The following PTPRM variants were observed in gnomAD, a reference collection of about 807,000 sequenced individuals.
The protein encoded by PTPRM is protein tyrosine phosphatase receptor type M.
A neutral mutation model predicts 186.7 loss-of-function variants in PTPRM; 47 were observed. That is an observed-to-expected ratio of 0.25 (90% CI 0.20 to 0.32). PTPRM has a LOEUF of 0.32. Among genes scored for constraint, PTPRM ranks in the 10% least tolerant of loss-of-function variants. The pLI is 1.00. For missense variants in PTPRM, 1,494 were observed against 1,865.0 expected, an observed-to-expected ratio of 0.80 and a Z score of 3.66; for synonymous variants, 668 against 674.9, an observed-to-expected ratio of 0.99 and a Z score of 0.16.
At chr18:8,156,002 G>A (rs1451810309) in intron 14 of PTPRM, among the ~76,000 whole-genome samples, 1 of 152,162 alleles carries the variant, frequency 6.6e-6, no homozygotes, top group African/African-American at 2.4e-5. Context: ...ATCTTGCCTA[G>A]CACATACTTT....
rs367711491 is a variant in PTPRM at position 8,357,694 on chromosome 18, A to G, written c.3055-13196A>G. 1.6e-4 allele frequency among the ~76,000 whole-genome samples: 24 copies of G among 152,334 alleles called. 1 individual carries two copies. The South Asian group carries it at 4.8e-3, about 30-fold the overall frequency. ...ATGGCTATTTTACTCAAAGTGTTTA[A>G]TCAATAGAGAATCATCGTTTCACAT... is the stretch of plus-strand genomic sequence containing the variant. On this transcript the variant is annotated intron_variant, in intron 23 of 32. Coordinates refer to ENST00000580170, the MANE Select transcript of PTPRM (RefSeq NM_001105244.2).
At chr18:7,836,223 C>T (rs1203895168) in intron 2 of PTPRM, among the ~76,000 whole-genome samples, 1 of 151,820 alleles carries the variant, frequency 6.6e-6, no homozygotes, top group Admixed American at 6.6e-5. Context: ...GTGGTGATAC[C>T]ATTTAGTGTC....
chr18:7,825,319 A>G (rs1448747617), intron 2 of PTPRM, among the ~76,000 whole-genome samples: 2 of 152,110 alleles, frequency 1.3e-5, no homozygotes, highest in Non-Finnish European at 2.9e-5. Context: ...CATGCAGAGG[A>G]CTACTATGAG....
intron 7 of PTPRM, among the ~76,000 whole-genome samples, chr18:8,064,024 G>A (rs1302628290): frequency 2.6e-5 from 4 of 152,212 alleles, no homozygotes; most frequent in Admixed American, 2.0e-4. Context: ...TGTTCTTACT[G>A]TAAGTGTATA....
chr18:8,173,260 TG>T (rs2093431226), intron 14 of PTPRM, among the ~76,000 whole-genome samples: 1 of 152,110 alleles, frequency 6.6e-6, no homozygotes, highest in Non-Finnish European at 1.5e-5. Flanking sequence ...GGCAAGAAGG[TG>T]GTGGCAATTA....
intron 11 of PTPRM, among the ~76,000 whole-genome samples, chr18:8,106,158 C>A (rs2091507112): frequency 6.6e-6 from 1 of 152,126 alleles, no homozygotes; most frequent in African/African-American, 2.4e-5. Context: ...TTGTGTAGCT[C>A]TTGGGGCCAC....
intron 7 of PTPRM, among the ~76,000 whole-genome samples, chr18:7,997,513 C>A (rs1421622942): frequency 2.0e-5 from 3 of 151,750 alleles, no homozygotes; most frequent in African/African-American, 7.3e-5. Context: ...CACGTGGGAA[C>A]CAAAGCAAAA....
chr18:8,037,768 T>G (rs1382537470), intron 7 of PTPRM, among the ~76,000 whole-genome samples: 1 of 152,054 alleles, frequency 6.6e-6, no homozygotes, highest in Non-Finnish European at 1.5e-5. Flanking sequence ...GGTAGAACTC[T>G]GCTAATCTGC....
rs115883142 is a variant in PTPRM, at chr18:7,880,966, G to C, written c.197-7140G>C. Among the ~76,000 whole-genome samples the C allele has an allele frequency of 4.4e-3, 675 of 152,258 alleles. 4 individuals are homozygous for C. The highest frequency in any genetic ancestry group is 0.016 in the African/African-American group (652 of 41,554). On this transcript the variant is annotated intron_variant, in intron 2 of 32. Coordinates refer to ENST00000580170, the MANE Select transcript of PTPRM (RefSeq NM_001105244.2). ...TCAGTTGTAGGTTGCAGCCAGAATT[G>C]ATTTGATTTTGCAAAATGCAATTGA...
At chr18:7,870,787 T>A (rs2047944299) in intron 2 of PTPRM, among the ~76,000 whole-genome samples, 1 of 152,224 alleles carries the variant, frequency 6.6e-6, no homozygotes, top group Non-Finnish European at 1.5e-5. Flanking sequence ...CCTCTGGGCC[T>A]GGCTGTAGAC....
chr18:8,310,725 C>T lies in PTPRM; in HGVS notation c.2843-4056C>T. Among the ~76,000 whole-genome samples the T allele has an allele frequency of 1.3e-5, 2 of 152,070 alleles. 1 individual carries two copies. The highest frequency in any genetic ancestry group is 3.9e-4 in the East Asian group (2 of 5,188). The stretch of plus-strand genomic sequence containing the variant: ...ATTTAAGTCATTATTTAAGCAATGA[C>T]TGTTTAATGTGTTTTCCATTGCCTT... On this transcript the variant is annotated intron_variant, in intron 20 of 32. Transcript: ENST00000580170.
chr18:8,303,396 C>T (rs762836924), intron 20 of PTPRM, among the ~76,000 whole-genome samples: 25 of 152,104 alleles, frequency 1.6e-4, no homozygotes, highest in Non-Finnish European at 3.4e-4. Context: ...CTTGGTTGCT[C>T]ACATTGAAGG....
chr18:8,268,794 C>G (rs2094734027), intron 19 of PTPRM, among the ~76,000 whole-genome samples: 1 of 152,062 alleles, frequency 6.6e-6, no homozygotes, highest in African/African-American at 2.4e-5. Context: ...AAATATGATA[C>G]CCCACATTAA....
intron 1 of PTPRM, among the ~76,000 whole-genome samples, chr18:7,711,063 T>C (rs1162636786): frequency 2.6e-5 from 4 of 152,032 alleles, no homozygotes; most frequent in African/African-American, 9.7e-5. Context: ...TAGTAACAGC[T>C]CCAGTCTGCA....
intron 31 of PTPRM, among the ~76,000 whole-genome samples, chr18:8,393,055 G>A (rs1396640948): frequency 1.3e-5 from 2 of 152,172 alleles, no homozygotes; most frequent in Non-Finnish European, 2.9e-5. Flanking sequence ...TCAAATCAGT[G>A]GGCGAGAAAC....
In PTPRM at chr18:8,126,023, A is replaced by ATTTTT. The variant is rs1345519818; in HGVS notation, c.2167+11197_2167+11198insTTTTT. Among the ~76,000 whole-genome samples, 384 of 45,966 alleles carry ATTTTT rather than the reference A, an allele frequency of 8.4e-3. 19 individuals carry two copies. Among genetic ancestry groups the ATTTTT allele is most frequent in the East Asian group, 0.022 (19 of 864 alleles). The allele number at this position is 45,966 out of a possible 152,430, so 30.2% of individuals were successfully genotyped here. On this transcript the variant is annotated intron_variant, in intron 13 of 32. Coordinates refer to ENST00000580170, the MANE Select transcript of PTPRM (RefSeq NM_001105244.2). ...TATATATATATATATATATATATAT[A>ATTTTT]TATATTTTAAATCAGTAGACCTTTC... is the stretch of plus-strand genomic sequence containing the variant.
rs529417224 is a variant in PTPRM, at chr18:8,307,811, A to T, written c.2843-6970A>T. Among the ~76,000 whole-genome samples the T allele has an allele frequency of 5.4e-3, 818 of 151,696 alleles. 4 individuals carry two copies. Among genetic ancestry groups the T allele is most frequent in the African/African-American group, 0.019 (767 of 41,110 alleles). On this transcript the variant is annotated intron_variant, in intron 20 of 32. Coordinates refer to ENST00000580170, the MANE Select transcript of PTPRM (RefSeq NM_001105244.2). ...AAGAGTGAAACTCTGTCTCAAAAAA[A>T]AAAAATAAAAATAAAAAAAAGAAAG...
At chr18:7,894,636 A>G (rs1047751032) in intron 3 of PTPRM, among the ~76,000 whole-genome samples, 32 of 151,720 alleles carry the variant, frequency 2.1e-4, no homozygotes, top group African/African-American at 7.0e-4. Context: ...TTCCAGTATT[A>G]TGTGTGCATG....
intron 14 of PTPRM, among the ~76,000 whole-genome samples, chr18:8,194,026 C>G (rs745662381): frequency 6.6e-6 from 1 of 152,228 alleles, no homozygotes; most frequent in Non-Finnish European, 1.5e-5. Context: ...ATGTCACACT[C>G]CTACAAAGAT....
Sources: gnomAD v4.1 joint callset for allele counts (sites outside exome capture counted in the v4.1 genomes callset) on GRCh38, gnomAD v4.1.1 for gene constraint, MANE v1.5 for transcripts, NCBI Gene and HGNC (gene_info 2026-07-23, HGNC 2026-07-21) for gene names.